The following EGLN2 variants were observed in gnomAD, a reference collection of about 807,000 sequenced individuals.
The protein encoded by EGLN2 is egl-9 family hypoxia inducible factor 2.
EGLN2 carries 15 observed loss-of-function variants against 38.2 expected under a neutral mutation model. The observed-to-expected ratio is 0.39, with a 90% CI of 0.26 to 0.60. The LOEUF (loss-of-function observed/expected upper bound fraction) is 0.60, where lower values mean the gene tolerates loss of function less well. Among genes scored for constraint, EGLN2 ranks in the 20% least tolerant of loss-of-function variants. The pLI, the probability that EGLN2 is intolerant of heterozygous loss-of-function variation, is 0.50. For synonymous variants in EGLN2, 284 were observed against 237.4 expected (o/e 1.20, Z -1.81); for missense variants, 492 against 570.4 (o/e 0.86, Z 1.40).
At chr19:40,801,634 C>T (rs1361133395) in intron 2 of EGLN2, among the ~76,000 whole-genome samples, 3 of 146,810 alleles carry the variant, frequency 2.0e-5, no homozygotes, top group Non-Finnish European at 4.5e-5. Flanking sequence ...GGAGTTTGTC[C>T]TGGAGCCACA....
intron 2 of EGLN2, chr19:40,804,869 A>G (rs1211624577): frequency 1.3e-5 from 2 of 152,364 alleles, no homozygotes; most frequent in African/African-American, 2.4e-5. Context: ...GCTGCCAGAG[A>G]GAAGGTTGTC....
chr19:40,807,729 C>T (rs2083316029), intron 5 of EGLN2, 80 bp from the exon 6 acceptor site: 1 of 1,516,612 alleles, frequency 6.6e-7, no homozygotes, highest in Non-Finnish European at 9.1e-7. Context: ...CTTCCTGGTC[C>T]TCTCCCCATC....
At position 40,801,197 on chromosome 19, in the gene EGLN2, G is replaced by C; in HGVS notation, c.625G>C (p.Glu209Gln). The change falls in exon 2 of 6, where the codon GAG becomes CAG. Residue 209 changes from glutamate (E) to glutamine (Q), a missense_variant. Around this residue, in one of 2 missense-constraint regions of EGLN2, gnomAD observed 378 missense variants for 386.2 expected, o/e 0.98. Coordinates refer to ENST00000303961, the MANE Select transcript of EGLN2 (RefSeq NM_080732.4). ...AGCACTGGGCGGTCGCGTGCTGGCC[G>C]AGGTGGAGGCCCTCAAACGGGGTGG... The part of the protein sequence containing the change: ...GAALGGRVLA[E>Q]VEALKRGGRL... The C allele has an allele frequency of 6.2e-7, 1 of 1,612,654 alleles. No homozygotes were observed. The highest frequency in any genetic ancestry group is 8.5e-7 in the Non-Finnish European group (1 of 1,179,904).
chr19:40,806,710 G>T (rs1298705568), intron 3 of EGLN2, 36 bp downstream of exon 3: 1 of 1,606,966 alleles, frequency 6.2e-7, no homozygotes, highest in Non-Finnish European at 8.5e-7. Flanking sequence ...TGGCGCTGGG[G>T]CTAGGGCTGG....
At chr19:40,799,800 G>C (rs908992077) in intron 1 of EGLN2, 5 of 152,426 alleles carry the variant, frequency 3.3e-5, no homozygotes, top group Non-Finnish European at 5.9e-5. Context: ...GTCCCGCTCC[G>C]CCCCGGGTCC....
At chr19:40,805,603 C>T (rs2083295450) in intron 2 of EGLN2, 1 of 152,222 alleles carries the variant, frequency 6.6e-6, no homozygotes, top group African/African-American at 2.4e-5. Context: ...GTGGCTGGGC[C>T]ATTTCCTTTA....
intron 5 of EGLN2, 73 bp from the exon 6 acceptor site, chr19:40,807,736 C>A: frequency 6.5e-7 from 1 of 1,541,732 alleles, no homozygotes; most frequent in Non-Finnish European, 8.9e-7. Context: ...GTCCTCTCCC[C>A]ATCTCCCCAG....
intron 1 of EGLN2, 109 bp from the exon 2 acceptor site, chr19:40,800,230 C>A: frequency 3.9e-6 from 1 of 256,922 alleles, no homozygotes. Context: ...CCTCTATAGT[C>A]AAGTCTGTCC....
At position 40,800,751 on chromosome 19, in the gene EGLN2, G is replaced by A. The variant is rs1172991316; in HGVS notation, c.179G>A (p.Gly60Glu). 11 of 1,613,572 alleles carry A rather than the reference G, an allele frequency of 6.8e-6. No homozygotes were observed. Among genetic ancestry groups the A allele is most frequent in the Non-Finnish European group, 9.3e-6 (11 of 1,179,816 alleles). Reference sequence around the variant, plus strand: ...GGAGTGCCTAGTGAGGCCTCGGCAGGGAGTGGGACCCCCAGAGCCACAGCC... The same window carrying A: ...GGAGTGCCTAGTGAGGCCTCGGCAGAGAGTGGGACCCCCAGAGCCACAGCC... ...CPGVPSEASA[G>E]SGTPRATATS... The change falls in exon 2 of 6, where the codon GGG becomes GAG. Residue 60 changes from glycine to glutamate, a missense_variant. Transcript: ENST00000303961.
At position 40,807,858 on chromosome 19, in the gene EGLN2, C is replaced by A. The variant is rs1330975414; in HGVS notation, c.1218C>A (p.Pro406=). ...VQVPVSQPPT[P]T The stretch of plus-strand genomic sequence containing the variant: ...TACCTGTATCACAGCCGCCTACGCC[C>A]ACCTAGTGGCCAGTCCCAGAGCCGC... Residue 406 remains proline (P), a synonymous_variant, in exon 6 of 6, where the codon CCC becomes CCA. Coordinates refer to ENST00000303961, the MANE Select transcript of EGLN2 (RefSeq NM_080732.4). The A allele has an allele frequency of 6.2e-7, 1 of 1,614,140 alleles. No individual in the cohort carries two copies. The highest frequency in any genetic ancestry group is 1.7e-5 in the Admixed American group (1 of 60,016).
chr19:40,807,018 C>G (rs567999478), intron 3 of EGLN2, 120 bp from the exon 4 acceptor site: 1 of 1,467,456 alleles, frequency 6.8e-7, no homozygotes, highest in East Asian at 2.4e-5. Flanking sequence ...TTTGAGAGCC[C>G]GAGGGGTGGG....
At chr19:40,802,437 T>C (rs931992547) in intron 2 of EGLN2, among the ~76,000 whole-genome samples, 3 of 152,238 alleles carry the variant, frequency 2.0e-5, no homozygotes, top group Admixed American at 2.0e-4. Flanking sequence ...TACCCATGTC[T>C]GTCTCTTCCT....
chr19:40,802,923 C>T (rs566885715), intron 2 of EGLN2, among the ~76,000 whole-genome samples: 1 of 152,384 alleles, frequency 6.6e-6, no homozygotes, highest in East Asian at 1.9e-4. Context: ...GTGTGGCTTT[C>T]CTCTCAGGCT....
At chr19:40,806,158 A>G (rs910457934) in intron 2 of EGLN2, 27 of 185,618 alleles carry the variant, frequency 1.5e-4, no homozygotes, top group African/African-American at 5.8e-4. Flanking sequence ...GCCAAGGGTA[A>G]GAATTCCTGG....
chr19:40,806,799 A>AC lies in EGLN2; in HGVS notation c.963+126dup, dbSNP rs112499026. 3,398 of 1,346,502 alleles carry AC rather than the reference A, an allele frequency of 2.5e-3. 86 individuals are homozygous for AC. The African/African-American group carries it at 0.043, about 17-fold the overall frequency. The allele number at this position is 1,346,502 out of a possible 1,614,324, so 83.4% of individuals were successfully genotyped here. Reference sequence around the variant, plus strand: ...ATTCTCCTGTTTCTCTTCTCAACACACAGCGGGCAGTGCGATCTGCCGGCT... The same window carrying AC: ...ATTCTCCTGTTTCTCTTCTCAACACACCAGCGGGCAGTGCGATCTGCCGGCT... On this transcript the variant is annotated intron_variant, in intron 3 of 5. Transcript: ENST00000303961.
rs1427496289 is a variant in EGLN2 at position 40,807,849 on chromosome 19, G to A, written c.1209G>A (p.Pro403=). 6.8e-6 allele frequency: 11 copies of A among 1,613,984 alleles called. No homozygotes were observed. Among genetic ancestry groups the A allele is most frequent in the African/African-American group, 2.7e-5 (2 of 74,902 alleles). ...QKGVQVPVSQ[P]PTPT is the part of the protein sequence containing the mutation. ...GTGTCCAAGTACCTGTATCACAGCC[G>A]CCTACGCCCACCTAGTGGCCAGTCC... The change falls in exon 6 of 6, where the codon CCG becomes CCA. Residue 403 remains proline (P), a synonymous_variant. Transcript: ENST00000303961.
chr19:40,800,504 G>A lies in EGLN2; in HGVS notation c.-69G>A. 2 of 1,480,066 alleles carry A rather than the reference G, an allele frequency of 1.4e-6. No individual in the cohort carries two copies. Among genetic ancestry groups the A allele is most frequent in the Non-Finnish European group, 1.8e-6 (2 of 1,118,512 alleles). 91.7% of individuals were successfully genotyped at this position (1,480,066 alleles called of 1,614,324 possible). ...TGCATCAAGTGGAGGCGGAGGAGGAGGCGGAGGAGGGTGGCACCATGGGCC... is the reference window on the plus strand; with the variant it reads ...TGCATCAAGTGGAGGCGGAGGAGGAAGCGGAGGAGGGTGGCACCATGGGCC... On this transcript the variant is annotated 5_prime_UTR_variant, in exon 2 of 6. Coordinates refer to ENST00000303961, the MANE Select transcript of EGLN2 (RefSeq NM_080732.4).
At position 40,808,182 on chromosome 19, in the gene EGLN2, C is replaced by T. The variant is rs1392443672; in HGVS notation, c.*318C>T. On this transcript the variant is annotated 3_prime_UTR_variant, in exon 6 of 6. Coordinates refer to ENST00000303961, the MANE Select transcript of EGLN2 (RefSeq NM_080732.4). ...GGAGAGCTGGGAGGAGGCATTGTCA[C>T]TTCCCACCAGGATGCAGGACTTGGG... The T allele has an allele frequency of 1.3e-5, 6 of 475,944 alleles. No homozygotes were observed. Among genetic ancestry groups the T allele is most frequent in the Non-Finnish European group, 2.2e-5 (6 of 269,064 alleles). The allele number at this position is 475,944 out of a possible 1,614,324, so 29.5% of individuals were successfully genotyped here.
intron 2 of EGLN2, chr19:40,804,928 AGGGCAAGGTCT>A (rs937150536): frequency 7.2e-5 from 11 of 152,348 alleles, no homozygotes; most frequent in African/African-American, 2.6e-4. Context: ...CTCTCTTTCC[AGGGCAAGGTCT>A]GGTGGATGAG....
Sources: gnomAD v4.1 joint callset for allele counts (sites outside exome capture counted in the v4.1 genomes callset) on GRCh38, gnomAD v4.1.1 for gene constraint, gnomAD v4.1.1 regional missense constraint, MANE v1.5 for transcripts, NCBI Gene and HGNC (gene_info 2026-07-23, HGNC 2026-07-21) for gene names.